NRG2: variants seen among roughly 807,000 people sequenced by gnomAD.
NRG2 encodes the protein neuregulin 2.
A neutral mutation model predicts 73.9 loss-of-function variants in NRG2; 27 were observed. The observed-to-expected ratio is 0.37, with a 90% confidence interval of 0.27 to 0.50. The LOEUF (loss-of-function observed/expected upper bound fraction) is 0.50. Among genes scored for constraint, NRG2 ranks in the 20% least tolerant of loss-of-function variants. The pLI is 0.96. For synonymous variants in NRG2, 532 were observed against 541.0 expected (o/e 0.98, Z 0.23); for missense variants, 1,126 against 1,210.1 (o/e 0.93, Z 1.03).
chr5:139,860,056 G>T (rs1762054588), intron 5 of NRG2: 1 of 778,928 alleles, frequency 1.3e-6, no homozygotes. Flanking sequence ...GTGAAAGCAG[G>T]TTAGTAGTGT....
intron 1 of NRG2, among the ~76,000 whole-genome samples, chr5:139,890,750 G>A (rs1318209750): frequency 6.6e-6 from 1 of 152,046 alleles, no homozygotes; most frequent in Admixed American, 6.6e-5. Context: ...TGTGAGTGTG[G>A]GTTCGGGTTG....
chr5:139,993,936 T>C (rs1757839435), intron 1 of NRG2, among the ~76,000 whole-genome samples: 1 of 152,242 alleles, frequency 6.6e-6, no homozygotes, highest in African/African-American at 2.4e-5. Flanking sequence ...CTGGTATTTA[T>C]GTTATTTTGC....
chr5:139,977,564 G>T (rs1340764335), intron 1 of NRG2, among the ~76,000 whole-genome samples: 2 of 152,124 alleles, frequency 1.3e-5, no homozygotes, highest in African/African-American at 2.4e-5. Flanking sequence ...AGCTACCAGT[G>T]ACTTTCTTCA....
At chr5:139,938,362 CT>C (rs35461631) in intron 1 of NRG2, among the ~76,000 whole-genome samples, 140 of 146,280 alleles carry the variant, frequency 9.6e-4, no homozygotes, top group Middle Eastern at 3.6e-3. Flanking sequence ...GATTTCAATA[CT>C]TTTTTTTTTT....
chr5:139,848,343 C>T lies in NRG2; in HGVS notation c.2127G>A (p.Glu709=), dbSNP rs1761153088. Residue 709 remains glutamate, a synonymous_variant, in exon 10 of 10, where the codon GAG becomes GAA. Transcript: ENST00000361474. ...SLPASPFRIP[E]DDEYETTQEC... is the part of the protein sequence containing the mutation. ...CCTGCGTGGTCTCGTACTCGTCGTCCTCGGGGATGCGGAAGGGGCTGGCAG... is the reference window on the plus strand; with the variant it reads ...CCTGCGTGGTCTCGTACTCGTCGTCTTCGGGGATGCGGAAGGGGCTGGCAG... The T allele has an allele frequency of 1.6e-6, 2 of 1,217,882 alleles. No individual in the cohort carries two copies. The highest frequency in any genetic ancestry group is 2.0e-6 in the Non-Finnish European group (2 of 981,614). 75.4% of individuals were successfully genotyped at this position (1,217,882 alleles called of 1,614,324 possible).
chr5:139,907,427 A>T (rs958438241), intron 1 of NRG2, among the ~76,000 whole-genome samples: 9 of 152,008 alleles, frequency 5.9e-5, no homozygotes, highest in African/African-American at 2.2e-4. Flanking sequence ...CCCCTTTGGG[A>T]TTGTGACCCC....
Position 139,848,342 on chromosome 5 carries a change from C to G in NRG2, c.2128G>C (p.Asp710His). ...TCCTGCGTGGTCTCGTACTCGTCGT[C>G]CTCGGGGATGCGGAAGGGGCTGGCA... Reference protein sequence around the residue: ...LPASPFRIPEDDEYETTQECA... With the variant: ...LPASPFRIPEHDEYETTQECA... The change falls in exon 10 of 10, where the codon GAC (aspartate) becomes CAC (histidine). Residue 710 changes from aspartate to histidine, a missense_variant. Physicochemically the swap from Asp to His is moderately conservative, Grantham distance 81. This residue lies in a region of NRG2 where 402 missense variants were observed against 357.8 expected (regional missense o/e 1.12). Transcript: ENST00000361474. 1 of 1,217,504 alleles carries G rather than the reference C, an allele frequency of 8.2e-7. No homozygotes were observed. The highest frequency in any genetic ancestry group is 1.0e-6 in the Non-Finnish European group (1 of 981,370). The allele number at this position is 1,217,504 out of a possible 1,614,324, so 75.4% of individuals were successfully genotyped here. A position where few individuals can be genotyped will look rare whatever the true frequency, so the allele number is the denominator to read the frequency against.
chr5:139,933,737 C>T lies in NRG2; in HGVS notation c.701-46226G>A, dbSNP rs376746185. Among the ~76,000 whole-genome samples, 16 of 152,272 alleles carry T rather than the reference C, an allele frequency of 1.1e-4. No individual in the cohort carries two copies. The East Asian group carries it at 2.5e-3, about 24-fold the overall frequency. ...AAAGAAATGAGTGAACTATTAACTA[C>T]CTTACCTAATTTACATTTATAGCAA... On this transcript the variant is annotated intron_variant, in intron 1 of 9. Coordinates refer to ENST00000361474, the MANE Select transcript of NRG2 (RefSeq NM_004883.3).
chr5:140,010,757 G>A (rs760694807), intron 1 of NRG2, among the ~76,000 whole-genome samples: 1 of 152,242 alleles, frequency 6.6e-6, no homozygotes, highest in Non-Finnish European at 1.5e-5. Context: ...ACAAGGGACA[G>A]TGTCTTCCTC....
chr5:139,992,981 C>T (rs566244477), intron 1 of NRG2, among the ~76,000 whole-genome samples: 3 of 146,930 alleles, frequency 2.0e-5, no homozygotes, highest in Non-Finnish European at 4.5e-5. Context: ...GTTCCTCCAT[C>T]TTTTTTTTTT....
chr5:139,864,385 C>CTTTT (rs954495131), intron 5 of NRG2, among the ~76,000 whole-genome samples: 1 of 134,590 alleles, frequency 7.4e-6, no homozygotes, highest in Non-Finnish European at 1.6e-5. Context: ...TCTTCTTCTT[C>CTTTT]TTTTTTTTTT....
intron 1 of NRG2, among the ~76,000 whole-genome samples, chr5:139,983,960 C>T (rs1756990277): frequency 6.6e-6 from 1 of 152,180 alleles, no homozygotes; most frequent in Admixed American, 6.6e-5. Context: ...TACCCTGCGC[C>T]AGGATCATAG....
In NRG2 at chr5:140,042,958, T is replaced by TGCTGCTGCTGCTGCTCCTCTC. The variant is rs1561776042; in HGVS notation, c.91_111dup (p.Glu31_Ser37dup). On this transcript the variant is annotated inframe_insertion, in exon 1 of 10. Coordinates refer to ENST00000361474, the MANE Select transcript of NRG2 (RefSeq NM_004883.3). Reference sequence around the variant, plus strand: ...CTGCTGCCGCTCTCGCTGCTGCTGCTGCTGCTGCTGCTGCTCCTCTCGCTG... The same window carrying TGCTGCTGCTGCTGCTCCTCTC: ...CTGCTGCCGCTCTCGCTGCTGCTGCTGCTGCTGCTGCTGCTCCTCTCGCTGCTGCTGCTGCTCCTCTCGCTG... 1.3e-6 allele frequency: 2 copies of TGCTGCTGCTGCTGCTCCTCTC among 1,546,404 alleles called. No homozygotes were observed. The highest frequency in any genetic ancestry group is 3.9e-5 in the Admixed American group (2 of 51,310).
intron 1 of NRG2, among the ~76,000 whole-genome samples, chr5:139,897,080 C>T (rs1764592706): frequency 6.6e-6 from 1 of 152,238 alleles, no homozygotes; most frequent in South Asian, 2.1e-4. Flanking sequence ...GCCTATTCTG[C>T]CCTGCCTCCA....
chr5:139,895,467 G>A (rs1189710273), intron 1 of NRG2, among the ~76,000 whole-genome samples: 4 of 152,206 alleles, frequency 2.6e-5, no homozygotes, highest in Non-Finnish European at 5.9e-5. Flanking sequence ...CAGTCTCCCT[G>A]GGTTCTTAGC....
intron 5 of NRG2, among the ~76,000 whole-genome samples, chr5:139,860,098 C>T (rs1372675743): frequency 6.6e-6 from 1 of 152,128 alleles, no homozygotes; most frequent in East Asian, 1.9e-4. Flanking sequence ...CCTTCCCTGA[C>T]ACCCAGTCCC....
chr5:139,936,678 C>T (rs2126400388), intron 1 of NRG2, among the ~76,000 whole-genome samples: 1 of 152,160 alleles, frequency 6.6e-6, no homozygotes, highest in African/African-American at 2.4e-5. Flanking sequence ...TGCTCTGATA[C>T]CAAAACTGGA....
chr5:140,035,845 TGA>T (rs1761462217), intron 1 of NRG2, among the ~76,000 whole-genome samples: 4 of 152,034 alleles, frequency 2.6e-5, no homozygotes, highest in Non-Finnish European at 5.9e-5. Flanking sequence ...AAACTGTGAA[TGA>T]TAAACAGAAC....
intron 1 of NRG2, among the ~76,000 whole-genome samples, chr5:139,953,661 G>A (rs983834310): frequency 6.6e-6 from 1 of 152,146 alleles, no homozygotes; most frequent in Non-Finnish European, 1.5e-5. Context: ...GAGGCTATGG[G>A]GTCTCAAAAG....
Sources: allele counts gnomAD v4.1 joint callset (sites outside exome capture counted in the v4.1 genomes callset), GRCh38; gene constraint gnomAD v4.1.1; regional missense constraint gnomAD v4.1.1; transcripts MANE v1.5; gene names NCBI Gene and HGNC (gene_info 2026-07-23, HGNC 2026-07-21).